The following ILRUN variants were observed in gnomAD, a reference collection of about 807,000 sequenced individuals.
The protein encoded by ILRUN is inflammation and lipid regulator with UBA-like and NBR1-like domains.
In ILRUN, 3 loss-of-function variants were observed where a neutral mutation model predicts 33.8. The observed-to-expected ratio is 0.09, with a 90% CI of 0.04 to 0.23. The LOEUF is 0.23. Among genes scored for constraint, ILRUN ranks in the 10% least tolerant of loss-of-function variants. The pLI is 1.00. For missense variants in ILRUN, 210 were observed against 375.1 expected, an observed-to-expected ratio of 0.56 and a Z score of 3.64; for synonymous variants, 124 against 138.9, an observed-to-expected ratio of 0.89 and a Z score of 0.75.
intron 1 of ILRUN, among the ~76,000 whole-genome samples, chr6:34,684,579 GC>G (rs1443152509): frequency 6.6e-6 from 1 of 152,126 alleles, no homozygotes; most frequent in Non-Finnish European, 1.5e-5. Flanking sequence ...CTGTTAGGGG[GC>G]ACTGTCCTCT....
At chr6:34,648,594 C>T (rs531465890) in intron 2 of ILRUN, among the ~76,000 whole-genome samples, 4 of 152,320 alleles carry the variant, frequency 2.6e-5, no homozygotes, top group South Asian at 2.1e-4. Flanking sequence ...TGACAATACA[C>T]GCAACTTATC....
intron 1 of ILRUN, among the ~76,000 whole-genome samples, chr6:34,674,738 T>C (rs930119669): frequency 9.9e-5 from 15 of 152,148 alleles, no homozygotes; most frequent in African/African-American, 3.6e-4. Flanking sequence ...GTACTTCCCC[T>C]TTAAAAACAC....
At chr6:34,630,635 G>A (rs1762227304) in intron 3 of ILRUN, among the ~76,000 whole-genome samples, 2 of 152,144 alleles carry the variant, frequency 1.3e-5, no homozygotes, top group Non-Finnish European at 1.5e-5. Flanking sequence ...GCCCGCCTTG[G>A]CCTCCCAAAG....
chr6:34,632,161 C>T (rs551677532), intron 3 of ILRUN, among the ~76,000 whole-genome samples: 65 of 152,280 alleles, frequency 4.3e-4, no homozygotes, highest in African/African-American at 1.4e-3. Flanking sequence ...AGTGTTTAGG[C>T]TGGGCGTGGT....
At chr6:34,659,846 C>G (rs1015764172) in intron 1 of ILRUN, among the ~76,000 whole-genome samples, 21 of 151,820 alleles carry the variant, frequency 1.4e-4, no homozygotes, top group Admixed American at 6.6e-4. Flanking sequence ...GTCTCGAACT[C>G]CCAACCTCAG....
intron 4 of ILRUN, among the ~76,000 whole-genome samples, chr6:34,605,166 C>G (rs974363338): frequency 1.3e-5 from 2 of 151,952 alleles, no homozygotes; most frequent in Non-Finnish European, 2.9e-5. Flanking sequence ...ATTAGCTGGG[C>G]GTGGTGGCAC....
chr6:34,641,689 A>G (rs989833659), intron 3 of ILRUN, among the ~76,000 whole-genome samples: 3 of 152,216 alleles, frequency 2.0e-5, no homozygotes, highest in Admixed American at 2.0e-4. Context: ...AAATCCCTTG[A>G]AGGCACTAGA....
intron 1 of ILRUN, among the ~76,000 whole-genome samples, chr6:34,659,618 CT>C (rs985939505): frequency 0.057 from 5,241 of 91,418 alleles, 164 homozygotes; most frequent in African/African-American, 0.098. Context: ...ATAAGGCAGT[CT>C]TTTTTTTTTT....
intron 3 of ILRUN, among the ~76,000 whole-genome samples, chr6:34,634,084 T>TC (rs1164729104): frequency 6.6e-6 from 1 of 151,908 alleles, no homozygotes; most frequent in Non-Finnish European, 1.5e-5. Flanking sequence ...CTAGCAAGAC[T>TC]CCATCTCTAC....
At chr6:34,674,451 A>G (rs1371036645) in intron 1 of ILRUN, among the ~76,000 whole-genome samples, 1 of 152,218 alleles carries the variant, frequency 6.6e-6, no homozygotes, top group African/African-American at 2.4e-5. Flanking sequence ...GAGGCTTTGA[A>G]CTTTGCTCTT....
chr6:34,666,316 T>C (rs533223158), intron 1 of ILRUN, among the ~76,000 whole-genome samples: 2 of 152,294 alleles, frequency 1.3e-5, no homozygotes, highest in South Asian at 4.1e-4. Context: ...TCCCAGCACT[T>C]TGGGAGGCCG....
intron 3 of ILRUN, among the ~76,000 whole-genome samples, chr6:34,607,256 G>A (rs181216420): frequency 1.0e-3 from 159 of 152,228 alleles, no homozygotes; most frequent in African/African-American, 3.7e-3. Context: ...CCTAGAATTG[G>A]TATCTCTTTG....
intron 3 of ILRUN, among the ~76,000 whole-genome samples, chr6:34,625,006 G>C (rs566688306): frequency 2.0e-5 from 3 of 152,208 alleles, no homozygotes; most frequent in Admixed American, 2.0e-4. Flanking sequence ...CACAAACCTA[G>C]CTGGACCAGT....
intron 3 of ILRUN, among the ~76,000 whole-genome samples, chr6:34,640,737 G>GAATT (rs1476448463): frequency 7.1e-6 from 1 of 140,682 alleles, no homozygotes; most frequent in Non-Finnish European, 1.5e-5. Flanking sequence ...ATGAATGAAT[G>GAATT]AATAAATAAA....
chr6:34,656,814 T>G (rs1159756454), intron 1 of ILRUN, among the ~76,000 whole-genome samples: 1 of 152,242 alleles, frequency 6.6e-6, no homozygotes, highest in Non-Finnish European at 1.5e-5. Flanking sequence ...CCTGTCATAT[T>G]AGTCAGTAAT....
At chr6:34,609,675 C>G (rs115979816) in intron 3 of ILRUN, among the ~76,000 whole-genome samples, 5 of 152,188 alleles carry the variant, frequency 3.3e-5, no homozygotes, top group African/African-American at 1.2e-4. Flanking sequence ...GGTTTGGGAG[C>G]TGTATTAAGA....
chr6:34,608,239 A>T (rs1053289672), intron 3 of ILRUN, among the ~76,000 whole-genome samples: 3 of 152,102 alleles, frequency 2.0e-5, no homozygotes, highest in Non-Finnish European at 2.9e-5. Context: ...ACTGAAAATT[A>T]AAAAACTAGC....
chr6:34,624,148 G>A (rs150262913), intron 3 of ILRUN, among the ~76,000 whole-genome samples: 128 of 151,134 alleles, frequency 8.5e-4, no homozygotes, highest in African/African-American at 3.0e-3. Context: ...ACCAATTCTG[G>A]TGAATTTACC....
At chr6:34,595,773 A>G (rs1278449536) in intron 4 of ILRUN, 1 of 985,328 alleles carries the variant, frequency 1.0e-6, no homozygotes, top group Non-Finnish European at 1.2e-6. Flanking sequence ...AGGTTCACAC[A>G]GGTTAATAAA....
Sources: allele counts gnomAD v4.1 joint callset (sites outside exome capture counted in the v4.1 genomes callset), GRCh38; gene constraint gnomAD v4.1.1; transcripts MANE v1.5; gene names NCBI Gene and HGNC (gene_info 2026-07-23, HGNC 2026-07-21).